Variants in NRG2 observed in about 807,000 individuals in gnomAD.
The protein encoded by NRG2 is neuregulin 2.
In NRG2, 27 loss-of-function variants were observed where a neutral mutation model predicts 73.9. The observed-to-expected ratio is 0.37, with a 90% CI of 0.27 to 0.50. NRG2 has a LOEUF of 0.50. Among genes scored for constraint, NRG2 ranks in the 20% least tolerant of loss-of-function variants. The pLI is 0.96. For missense variants in NRG2, 1,126 were observed against 1,210.1 expected (o/e 0.93, Z 1.03); for synonymous variants, 532 against 541.0 (o/e 0.98, Z 0.23).
chr5:139,876,923 ATCTGTGTG>A (rs1420417086), intron 3 of NRG2, among the ~76,000 whole-genome samples: 3 of 109,610 alleles, frequency 2.7e-5, no homozygotes, highest in Non-Finnish European at 5.3e-5. Context: ...ATGAATGTGC[ATCTGTGTG>A]TGTGTGTGTG....
chr5:139,941,393 C>T (rs71581515), intron 1 of NRG2, among the ~76,000 whole-genome samples: 21,293 of 151,748 alleles, frequency 0.14, 1,603 homozygotes, highest in South Asian at 0.25. Context: ...TGGGGGATAA[C>T]ATTTCATTTA....
chr5:139,855,910 C>G, intron 5 of NRG2, 132 bp from the exon 6 acceptor site: 1 of 674,332 alleles, frequency 1.5e-6, no homozygotes, highest in Non-Finnish European at 2.6e-6. Context: ...CTTTCCATCC[C>G]TTTTCTCCAG....
chr5:140,039,829 G>T (rs1581004808), intron 1 of NRG2, among the ~76,000 whole-genome samples: 2 of 152,156 alleles, frequency 1.3e-5, no homozygotes, highest in African/African-American at 4.8e-5. Context: ...CGGCCATGAC[G>T]ACAGTTTCCA....
chr5:139,916,069 CATGCAGGGCAGA>C (rs1207418002), intron 1 of NRG2, among the ~76,000 whole-genome samples: 2 of 152,304 alleles, frequency 1.3e-5, no homozygotes, highest in East Asian at 3.9e-4. Flanking sequence ...CCAGCAGCGT[CATGCAGGGCAGA>C]ATGGAGCAGA....
chr5:139,879,920 G>A (rs898956751), intron 3 of NRG2, among the ~76,000 whole-genome samples: 2 of 152,168 alleles, frequency 1.3e-5, no homozygotes, highest in African/African-American at 4.8e-5. Flanking sequence ...CTAGGTTTTT[G>A]TCTGAGGGTC....
rs183482383 is a variant in NRG2 at position 139,851,234 on chromosome 5, C to T, written c.1772+370G>A. 5.5e-4 allele frequency among the ~76,000 whole-genome samples: 84 copies of T among 152,292 alleles called. No individual in the cohort carries two copies. The highest frequency in any genetic ancestry group is 1.9e-3 in the African/African-American group (77 of 41,564). On this transcript the variant is annotated intron_variant, in intron 9 of 9. Transcript: ENST00000361474. The surrounding 1 kb of genome is among the most constrained non-coding windows in gnomAD (Gnocchi z 4.2). ...AACTCCTGACCTCAGGTGATCCATC[C>T]GCCTTGGCCTCCCAAGTGCTGGGAT... is the stretch of plus-strand genomic sequence containing the variant.
In NRG2 at chr5:139,952,632, C is replaced by A. The variant is rs191025837; in HGVS notation, c.701-65121G>T. Among the ~76,000 whole-genome samples, 624 of 152,278 alleles carry A rather than the reference C, an allele frequency of 4.1e-3. 16 individuals carry two copies. The highest frequency in any genetic ancestry group is 0.038 in the Admixed American group (586 of 15,306). On this transcript the variant is annotated intron_variant, in intron 1 of 9. Transcript: ENST00000361474. ...TATTTACATACCTCCGCAGATGTGT[C>A]CCCACAGCCTGCTCGCCCTACCACG...
rs1298911598 is a variant in NRG2 at position 139,904,970 on chromosome 5, G to A, written c.701-17459C>T. Among the ~76,000 whole-genome samples the A allele has an allele frequency of 4.6e-5, 7 of 152,180 alleles. No homozygotes were observed. The highest frequency in any genetic ancestry group is 1.4e-4 in the African/African-American group (6 of 41,462). The stretch of plus-strand genomic sequence containing the variant: ...TGCCTGCAGGTCTGGCCTCAGCCCC[G>A]TGGGATACCGCCATCTGGGGAACAC... On this transcript the variant is annotated intron_variant, in intron 1 of 9. Coordinates refer to ENST00000361474, the MANE Select transcript of NRG2 (RefSeq NM_004883.3). This position sits in a 1 kb window ranked among gnomAD's most constrained non-coding sequence, Gnocchi z 6.0.
At chr5:139,979,091 G>T (rs572959543) in intron 1 of NRG2, among the ~76,000 whole-genome samples, 4 of 116,326 alleles carry the variant, frequency 3.4e-5, no homozygotes, top group African/African-American at 1.3e-4. Flanking sequence ...GTTGTGGGGT[G>T]GGGGGAGGGG....
At chr5:139,861,521 G>A (rs1255977960) in intron 5 of NRG2, among the ~76,000 whole-genome samples, 1 of 152,214 alleles carries the variant, frequency 6.6e-6, no homozygotes, top group African/African-American at 2.4e-5. Context: ...CCAGTTCCAT[G>A]CAGAGACCAC....
intron 1 of NRG2, among the ~76,000 whole-genome samples, chr5:139,949,611 AT>A (rs1754043936): frequency 6.6e-6 from 1 of 152,182 alleles, no homozygotes; most frequent in African/African-American, 2.4e-5. Context: ...CTTCTATTCT[AT>A]TTTAGCTAAG....
At chr5:139,924,798 G>C (rs1296868026) in intron 1 of NRG2, among the ~76,000 whole-genome samples, 1 of 152,188 alleles carries the variant, frequency 6.6e-6, no homozygotes, top group Non-Finnish European at 1.5e-5. Context: ...CTCCCTTTCC[G>C]GGGCCTCGCT....
chr5:139,974,981 T>C (rs1053420706), intron 1 of NRG2, among the ~76,000 whole-genome samples: 1 of 152,376 alleles, frequency 6.6e-6, no homozygotes, highest in Admixed American at 6.5e-5. Flanking sequence ...ATGCGCCCCC[T>C]GTGTGGGCTA....
At chr5:139,849,039 C>T (rs1761233273) in intron 9 of NRG2, among the ~76,000 whole-genome samples, 1 of 152,150 alleles carries the variant, frequency 6.6e-6, no homozygotes, top group Admixed American at 6.5e-5. Flanking sequence ...TGCTCACCGT[C>T]AGGGGGTCAG....
At position 139,848,491 on chromosome 5, in the gene NRG2, G is replaced by GGCCCGA; in HGVS notation, c.1978_1979insTCGGGC (p.Gly659_Pro660insLeuGly). 1 of 1,149,692 alleles carries GGCCCGA rather than the reference G, an allele frequency of 8.7e-7. No individual in the cohort carries two copies. Among genetic ancestry groups the GGCCCGA allele is most frequent in the Non-Finnish European group, 1.1e-6 (1 of 925,080 alleles). 71.2% of individuals were successfully genotyped at this position (1,149,692 alleles called of 1,614,324 possible). ...TGCGCCGGGCCCGGGCCCGGGCCCG[G>GGCCCGA]GTCCGGGTCCCGGGCCGGGGGGCGC... On this transcript the variant is annotated inframe_insertion, in exon 10 of 10. Transcript: ENST00000361474.
chr5:139,928,512 T>A (rs1321873016), intron 1 of NRG2, among the ~76,000 whole-genome samples: 1 of 152,206 alleles, frequency 6.6e-6, no homozygotes, highest in African/African-American at 2.4e-5. Flanking sequence ...TAGAAGCATA[T>A]GAACCCCGGA....
At chr5:139,947,069 T>C (rs1342017938) in intron 1 of NRG2, among the ~76,000 whole-genome samples, 3 of 152,022 alleles carry the variant, frequency 2.0e-5, no homozygotes, top group Non-Finnish European at 4.4e-5. Flanking sequence ...GCTTGTGCAT[T>C]GCTGGCAAAA....
intron 1 of NRG2, among the ~76,000 whole-genome samples, chr5:139,934,239 ATATT>A (rs1752684281): frequency 6.6e-6 from 1 of 152,236 alleles, no homozygotes; most frequent in South Asian, 2.1e-4. Flanking sequence ...ATCCTCAAAT[ATATT>A]TTTTCTTATG....
At chr5:139,958,767 T>G (rs911830921) in intron 1 of NRG2, among the ~76,000 whole-genome samples, 17 of 152,162 alleles carry the variant, frequency 1.1e-4, no homozygotes, top group African/African-American at 3.9e-4. Flanking sequence ...CTGCCACCCC[T>G]GTCCACCACT....
Sources: allele counts gnomAD v4.1 joint callset (sites outside exome capture counted in the v4.1 genomes callset), GRCh38; gene constraint gnomAD v4.1.1; non-coding constraint Gnocchi (gnomAD v3.1); transcripts MANE v1.5; gene names NCBI Gene and HGNC (gene_info 2026-07-23, HGNC 2026-07-21).